The following CEP72 variants were observed in gnomAD, a reference collection of about 807,000 sequenced individuals.
CEP72 encodes the protein centrosomal protein 72, also known as centrosomal protein of 72 kDa.
CEP72 carries 78 observed loss-of-function variants against 65.7 expected under a neutral mutation model. That is an observed-to-expected ratio of 1.19 (90% confidence interval 0.99 to 1.43). The LOEUF is 1.43. CEP72 is among the 40% of genes most tolerant of loss of function. CEP72 has a pLI of 0.00. For missense variants in CEP72, 914 were observed against 832.9 expected (o/e 1.10, Z -1.20); for synonymous variants, 358 against 351.7 (o/e 1.02, Z -0.20).
At chr5:614,741 T>C (rs1735885342) in intron 1 of CEP72, among the ~76,000 whole-genome samples, 1 of 152,192 alleles carries the variant, frequency 6.6e-6, no homozygotes, top group Admixed American at 6.5e-5. Flanking sequence ...GTGATTCCAT[T>C]ATGGCCAGAA....
In CEP72 at chr5:624,454, G is replaced by C; in HGVS notation, c.404-17G>C. ...CCGCTTGCCACCTGCACAGTCTTGT[G>C]TGGCCTTTTCTTCTAGACGATCGCC... On this transcript the variant is annotated splice_polypyrimidine_tract_variant and intron_variant, in intron 3 of 11. Coordinates refer to ENST00000264935, the MANE Select transcript of CEP72 (RefSeq NM_018140.4). This position sits in a 1 kb window ranked among gnomAD's most constrained non-coding sequence, Gnocchi z 4.7. The C allele has an allele frequency of 6.2e-7, 1 of 1,605,536 alleles. No homozygotes were observed. Among genetic ancestry groups the C allele is most frequent in the Admixed American group, 1.7e-5 (1 of 60,032 alleles).
At chr5:613,119 T>G (rs555961016) in intron 1 of CEP72, among the ~76,000 whole-genome samples, 19 of 152,362 alleles carry the variant, frequency 1.2e-4, no homozygotes, top group African/African-American at 4.6e-4. Flanking sequence ...TGTGGGGTTT[T>G]GTGGCATTGG....
intron 2 of CEP72, 137 bp from the exon 3 acceptor site, chr5:619,932 C>T (rs917938111): frequency 2.9e-6 from 2 of 692,184 alleles, no homozygotes; most frequent in East Asian, 5.4e-5. Flanking sequence ...TTTCATTTTT[C>T]TACTTTTCCT....
intron 11 of CEP72, among the ~76,000 whole-genome samples, chr5:649,419 G>A (rs866498795): frequency 1.7e-3 from 222 of 132,264 alleles, no homozygotes; most frequent in African/African-American, 6.7e-3. Flanking sequence ...TGGACTGTGA[G>A]GCGTGGACTG....
chr5:673,604 G>C, the CEP72 span, among the ~76,000 whole-genome samples: 1 of 152,184 alleles, frequency 6.6e-6, no homozygotes, highest in Non-Finnish European at 1.5e-5. Context: ...CCCAGGACCG[G>C]GTCTCAGCCT....
rs112902042 is a variant in CEP72 at position 625,161 on chromosome 5, TC to T, written c.512+583del. 4.2e-3 allele frequency among the ~76,000 whole-genome samples: 635 copies of T among 152,256 alleles called. 5 individuals carry two copies. Among genetic ancestry groups the T allele is most frequent in the African/African-American group, 0.014 (595 of 41,536 alleles). The stretch of plus-strand genomic sequence containing the variant: ...AGCCCTGCTGCCTGCATGTCTATGT[TC>T]GGTTGATAGTATCTGCGTGTATCCC... On this transcript the variant is annotated intron_variant, in intron 4 of 11. Transcript: ENST00000264935.
At chr5:619,701 C>T (rs1043823323) in intron 2 of CEP72, among the ~76,000 whole-genome samples, 2 of 152,218 alleles carry the variant, frequency 1.3e-5, no homozygotes, top group East Asian at 3.9e-4. Flanking sequence ...CTCATCTTTC[C>T]CCGTTCCCAG....
At chr5:672,134 G>A (rs1286334695), downstream of CEP72, among the ~76,000 whole-genome samples, 1 of 152,252 alleles carries the variant, frequency 6.6e-6, no homozygotes, top group Non-Finnish European at 1.5e-5. Context: ...ACTGGGAACA[G>A]TCCGAAGACT....
At chr5:633,152 T>C (rs568946509) in intron 4 of CEP72, among the ~76,000 whole-genome samples, 10 of 82,404 alleles carry the variant, frequency 1.2e-4, no homozygotes, top group African/African-American at 6.2e-4. Context: ...TTCTGTCCAG[T>C]GCCGGGATTT....
At position 623,055 on chromosome 5, in the gene CEP72, C is replaced by T. The variant is rs149088769; in HGVS notation, c.404-1416C>T. 1.3e-4 allele frequency among the ~76,000 whole-genome samples: 19 copies of T among 151,872 alleles called. No individual in the cohort carries two copies. The East Asian group carries it at 3.5e-3, about 28-fold the overall frequency. Reference sequence around the variant, plus strand: ...TTAGTGTTTCTGTAGAGAAGGAGCGCGGCCGTCTCCCTCTTAGTGTTTCTG... The same window carrying T: ...TTAGTGTTTCTGTAGAGAAGGAGCGTGGCCGTCTCCCTCTTAGTGTTTCTG... On this transcript the variant is annotated intron_variant, in intron 3 of 11. Transcript: ENST00000264935. This position sits in a 1 kb window ranked among gnomAD's most constrained non-coding sequence, Gnocchi z 5.3.
intron 2 of CEP72, chr5:663,582 G>C (rs1380539197): frequency 2.0e-5 from 3 of 152,508 alleles, no homozygotes; most frequent in Non-Finnish European, 4.4e-5. Context: ...GGTAGGGGGA[G>C]TCCTTCCACG....
chr5:629,104 C>T (rs1737033124), intron 4 of CEP72, among the ~76,000 whole-genome samples: 1 of 152,242 alleles, frequency 6.6e-6, no homozygotes, highest in African/African-American at 2.4e-5. Context: ...TTCCTGGTCA[C>T]TGCCCTTGGG....
In CEP72 at chr5:644,400, A is replaced by G. The variant is rs1445131049; in HGVS notation, c.1641A>G (p.Ala547=). ...MKKEVKSADT[A]ATLNLQIAGL... is the part of the protein sequence containing the mutation. ...AGGAAGTGAAGAGTGCAGACACTGC[A>G]GCCACGTTAAATTTGCAGATCGCTG... Residue 547 remains alanine, a synonymous_variant, in exon 10 of 12, where the codon GCA becomes GCG. Transcript: ENST00000264935. The G allele has an allele frequency of 6.2e-7, 1 of 1,613,938 alleles. No individual in the cohort carries two copies.
In CEP72 at chr5:642,013, T is replaced by C. The variant is rs111436579; in HGVS notation, c.1539+1409T>C. The C allele has an allele frequency of 1.1e-3, 612 of 532,962 alleles. 7 individuals carry two copies. In the East Asian group the frequency reaches 0.015, roughly 13 times the overall value. The allele number at this position is 532,962 out of a possible 1,614,324, so 33.0% of individuals were successfully genotyped here. On this transcript the variant is annotated intron_variant, in intron 9 of 11. Coordinates refer to ENST00000264935, the MANE Select transcript of CEP72 (RefSeq NM_018140.4). ...ATTTAAGCACACGTGGTCCCCCGTC[T>C]AGAAGCCTGTGCATTTAAACACACG... is the stretch of plus-strand genomic sequence containing the variant.
At chr5:651,086 TG>T (rs199972763) in intron 11 of CEP72, among the ~76,000 whole-genome samples, 4 of 43,434 alleles carry the variant, frequency 9.2e-5, no homozygotes, top group Admixed American at 2.7e-4. Flanking sequence ...CTGTGAGGCG[TG>T]GACTGTGAGG....
intron 10 of CEP72, among the ~76,000 whole-genome samples, chr5:646,127 C>T (rs778116231): frequency 3.9e-5 from 6 of 152,224 alleles, no homozygotes; most frequent in South Asian, 2.1e-4. Flanking sequence ...CTTCTTTCCA[C>T]GGCGGTCGCT....
chr5:668,996 G>A (rs528796060), downstream of CEP72, among the ~76,000 whole-genome samples: 8 of 152,292 alleles, frequency 5.3e-5, no homozygotes, highest in Non-Finnish European at 8.8e-5. Flanking sequence ...CACTTTACAC[G>A]CGTGTCCTAA....
At chr5:670,445 G>C (rs1282509161), downstream of CEP72, among the ~76,000 whole-genome samples, 6 of 152,122 alleles carry the variant, frequency 3.9e-5, no homozygotes, top group African/African-American at 1.4e-4. Context: ...CCTGTACTTA[G>C]GCGAGTCTGA....
At position 612,441 on chromosome 5, in the gene CEP72, T is replaced by G. The variant is rs1161899627; in HGVS notation, c.80T>G (p.Leu27Arg). The G allele has an allele frequency of 7.0e-7, 1 of 1,422,208 alleles. No individual in the cohort carries two copies. Among genetic ancestry groups the G allele is most frequent in the Non-Finnish European group, 9.2e-7 (1 of 1,081,942 alleles). The allele number at this position is 1,422,208 out of a possible 1,614,324, so 88.1% of individuals were successfully genotyped here. ...AKSGLGPHRD[L>R]AELQSLSIPG... ...AGCGGCTTAGGGCCTCACCGCGACC[T>G]GGGTGCGCCGGAGGGCGGGCGGGGG... The change falls in exon 1 of 12, where the codon CTG (leucine) becomes CGG (arginine). Residue 27 changes from leucine to arginine, a missense_variant and splice_region_variant. Coordinates refer to ENST00000264935, the MANE Select transcript of CEP72 (RefSeq NM_018140.4).
Sources: allele counts gnomAD v4.1 joint callset (sites outside exome capture counted in the v4.1 genomes callset), GRCh38; gene constraint gnomAD v4.1.1; non-coding constraint Gnocchi (gnomAD v3.1); transcripts MANE v1.5; gene names NCBI Gene and HGNC (gene_info 2026-07-23, HGNC 2026-07-21).